The following TRDN variants were observed in gnomAD, a reference collection of about 807,000 sequenced individuals.
TRDN encodes the protein triadin.
Under a neutral mutation model 149.7 loss-of-function variants are expected in TRDN, and 161 were observed. That is an observed-to-expected ratio of 1.08 (90% CI 0.95 to 1.23). The LOEUF is 1.23. TRDN is among the 50% of genes most tolerant of loss of function. The pLI is 0.00. For synonymous variants in TRDN, 294 were observed against 250.5 expected, an observed-to-expected ratio of 1.17 and a Z score of -1.64; for missense variants, 896 against 823.5, an observed-to-expected ratio of 1.09 and a Z score of -1.08.
chr6:123,603,199 T>C (rs1341201857), intron 1 of TRDN, among the ~76,000 whole-genome samples: 1 of 42,328 alleles, frequency 2.4e-5, no homozygotes, highest in Non-Finnish European at 6.8e-5. Flanking sequence ...AGACACACAA[T>C]TAGAACTAGA....
intron 12 of TRDN, chr6:123,429,029 G>A (rs1273717270): frequency 1.3e-5 from 2 of 151,914 alleles, no homozygotes; most frequent in Admixed American, 6.6e-5. Flanking sequence ...TTTCCTACAT[G>A]TTTACCACTG....
At chr6:123,301,770 C>CATATAT (rs35364593) in intron 24 of TRDN, among the ~76,000 whole-genome samples, 62 of 57,824 alleles carry the variant, frequency 1.1e-3, no homozygotes, top group African/African-American at 1.5e-3. Context: ...TATATATATA[C>CATATAT]ATATATATAT....
At chr6:123,508,755 A>C (rs2114847702) in intron 7 of TRDN, among the ~76,000 whole-genome samples, 1 of 152,322 alleles carries the variant, frequency 6.6e-6, no homozygotes, top group Non-Finnish European at 1.5e-5. Flanking sequence ...GCAGTATGCA[A>C]CAGAGCAAGA....
chr6:123,530,438 T>A, intron 5 of TRDN, 68 bp downstream of exon 5: 1 of 952,248 alleles, frequency 1.1e-6, no homozygotes. Context: ...ACATGAAATT[T>A]TTTCTCGCAT....
chr6:123,438,940 C>G lies in TRDN; in HGVS notation c.991+4G>C. ...ATGTGGTACATGGCTTTTAAATTTC[C>G]TACCTTTCTTTTTTGTTTCAGAAGT... On this transcript the variant is annotated splice_donor_region_variant and intron_variant, in intron 11 of 40. Coordinates refer to ENST00000334268, the MANE Select transcript of TRDN (RefSeq NM_006073.4). The G allele has an allele frequency of 6.4e-7, 1 of 1,555,914 alleles. No homozygotes were observed. Among genetic ancestry groups the G allele is most frequent in the Non-Finnish European group, 8.7e-7 (1 of 1,148,618 alleles).
At chr6:123,500,933 C>T (rs575641821) in intron 8 of TRDN, among the ~76,000 whole-genome samples, 4 of 152,124 alleles carry the variant, frequency 2.6e-5, no homozygotes, top group South Asian at 2.1e-4. Context: ...CTGGAAAATT[C>T]GTTTCTCCTT....
intron 2 of TRDN, among the ~76,000 whole-genome samples, chr6:123,570,191 A>G (rs946858651): frequency 1.3e-5 from 2 of 152,216 alleles, no homozygotes; most frequent in African/African-American, 2.4e-5. Flanking sequence ...ACATTAAAAG[A>G]TTAATGAAAT....
At chr6:123,486,163 A>G (rs1290932704) in intron 9 of TRDN, among the ~76,000 whole-genome samples, 3 of 152,026 alleles carry the variant, frequency 2.0e-5, no homozygotes, top group Non-Finnish European at 4.4e-5. Context: ...GGATCCAAAC[A>G]TATTTTCTGA....
chr6:123,430,717 A>G (rs1323925586), intron 12 of TRDN, among the ~76,000 whole-genome samples: 3 of 152,176 alleles, frequency 2.0e-5, no homozygotes, highest in Non-Finnish European at 4.4e-5. Flanking sequence ...TCGCATGTAT[A>G]CTAGTCCTCT....
At chr6:123,448,810 G>A (rs1329768326) in intron 10 of TRDN, among the ~76,000 whole-genome samples, 4 of 152,110 alleles carry the variant, frequency 2.6e-5, no homozygotes, top group Admixed American at 6.6e-5. Context: ...AACCCTCACA[G>A]AGTCCATTGC....
intron 24 of TRDN, among the ~76,000 whole-genome samples, chr6:123,314,016 C>T (rs1041139879): frequency 1.3e-5 from 2 of 151,830 alleles, no homozygotes; most frequent in African/African-American, 4.8e-5. Context: ...ATTAAACCAA[C>T]GAGCTTCTGC....
chr6:123,478,156 G>T (rs1583113798), intron 9 of TRDN, among the ~76,000 whole-genome samples: 1 of 150,212 alleles, frequency 6.7e-6, no homozygotes, highest in Non-Finnish European at 1.5e-5. Context: ...TCAACTATTT[G>T]GACAGTCAAG....
intron 5 of TRDN, chr6:123,529,162 G>GA (rs1428124540): frequency 2.6e-5 from 40 of 1,540,514 alleles, no homozygotes; most frequent in Non-Finnish European, 3.2e-5. Flanking sequence ...CAGTCTGCAA[G>GA]AAAAAAACAG....
At chr6:123,242,641 T>A (rs979406217) in intron 38 of TRDN, among the ~76,000 whole-genome samples, 3 of 152,014 alleles carry the variant, frequency 2.0e-5, no homozygotes, top group Non-Finnish European at 4.4e-5. Context: ...TACACTGGAA[T>A]TCAACAGAGA....
At position 123,279,094 on chromosome 6, in the gene TRDN, TA is replaced by T. The variant is rs768721605; in HGVS notation, c.1511-13del. ...CTTGACTTCTTTGCCTAGAAAAAAGTAAAAAAATTATTAAAGGCTGAGTCAT... is the reference window on the plus strand; with the variant it reads ...CTTGACTTCTTTGCCTAGAAAAAAGTAAAAAATTATTAAAGGCTGAGTCAT... On this transcript the variant is annotated splice_polypyrimidine_tract_variant and intron_variant, in intron 24 of 40. Coordinates refer to ENST00000334268, the MANE Select transcript of TRDN (RefSeq NM_006073.4). The T allele has an allele frequency of 1.2e-5, 19 of 1,602,306 alleles. No homozygotes were observed. The African/African-American group carries it at 1.3e-4, about 11-fold the overall frequency.
chr6:123,400,315 C>T (rs1772912125), intron 12 of TRDN, among the ~76,000 whole-genome samples: 1 of 151,746 alleles, frequency 6.6e-6, no homozygotes, highest in Admixed American at 6.6e-5. Flanking sequence ...CTAATTTTGA[C>T]AGTCCCCAAC....
intron 24 of TRDN, among the ~76,000 whole-genome samples, chr6:123,314,899 C>T (rs901607454): frequency 6.6e-5 from 10 of 151,878 alleles, no homozygotes; most frequent in African/African-American, 2.2e-4. Context: ...GGATATTAGG[C>T]TTAATACCTG....
intron 38 of TRDN, among the ~76,000 whole-genome samples, chr6:123,249,768 A>G (rs1181726212): frequency 6.6e-6 from 1 of 152,138 alleles, no homozygotes; most frequent in Admixed American, 6.6e-5. Flanking sequence ...AATAGACATG[A>G]TGATTTCAAA....
intron 4 of TRDN, among the ~76,000 whole-genome samples, chr6:123,534,073 C>G (rs977122338): frequency 2.6e-5 from 4 of 152,022 alleles, no homozygotes; most frequent in Non-Finnish European, 5.9e-5. Flanking sequence ...TGGGCAGATG[C>G]AGGCAGTTGT....
Sources: gnomAD v4.1 joint callset for allele counts (sites outside exome capture counted in the v4.1 genomes callset) on GRCh38, gnomAD v4.1.1 for gene constraint, MANE v1.5 for transcripts, NCBI Gene and HGNC (gene_info 2026-07-23, HGNC 2026-07-21) for gene names.